Variants in PTCHD4 observed in about 807,000 individuals in gnomAD.
PTCHD4 encodes the protein patched domain-containing protein 4.
Under a neutral mutation model 58.1 loss-of-function variants are expected in PTCHD4, and 33 were observed. The observed-to-expected ratio is 0.57, with a 90% CI of 0.43 to 0.76. The LOEUF is 0.76. Among genes scored for constraint, PTCHD4 ranks in the 30% least tolerant of loss-of-function variants. PTCHD4 has a pLI of 0.00. For missense variants in PTCHD4, 1,058 were observed against 1,027.1 expected (o/e 1.03, Z -0.41); for synonymous variants, 478 against 409.6 (o/e 1.17, Z -2.02).
At chr6:48,086,812 T>C (rs1765274128) in intron 1 of PTCHD4, among the ~76,000 whole-genome samples, 1 of 152,332 alleles carries the variant, frequency 6.6e-6, no homozygotes, top group South Asian at 2.1e-4. Context: ...CAATTCCACC[T>C]TGAGGCTCTA....
intron 4 of PTCHD4, chr6:47,902,051 TCAA>T (rs957110983): frequency 5.6e-6 from 3 of 537,808 alleles, no homozygotes; most frequent in African/African-American, 4.0e-5. Context: ...ATCACCATCA[TCAA>T]CAACAACAGC....
chr6:47,973,344 CAAGGAA>C (rs1029450531), intron 4 of PTCHD4, among the ~76,000 whole-genome samples: 1 of 152,148 alleles, frequency 6.6e-6, no homozygotes, highest in Non-Finnish European at 1.5e-5. Flanking sequence ...ACCCAAACAA[CAAGGAA>C]AAGAAGCTTT....
At chr6:47,940,107 G>A (rs569975720) in intron 4 of PTCHD4, among the ~76,000 whole-genome samples, 1 of 151,952 alleles carries the variant, frequency 6.6e-6, no homozygotes, top group Non-Finnish European at 1.5e-5. Context: ...TTTCTGCAAA[G>A]GTCCCTTATC....
At chr6:47,947,124 C>G (rs574261716) in intron 4 of PTCHD4, among the ~76,000 whole-genome samples, 31 of 152,060 alleles carry the variant, frequency 2.0e-4, no homozygotes, top group Middle Eastern at 3.2e-3. Context: ...TGTGAGCTAC[C>G]ATGCTTGGCC....
chr6:48,057,770 G>A (rs1398293613), intron 3 of PTCHD4, among the ~76,000 whole-genome samples: 1 of 152,210 alleles, frequency 6.6e-6, no homozygotes, highest in Non-Finnish European at 1.5e-5. Flanking sequence ...GGAACTTGAA[G>A]GCTGAGCTAA....
Position 47,879,504 on chromosome 6 carries a change from T to A in PTCHD4, c.1331A>T (p.Gln444Leu), listed in dbSNP as rs1221670276. 6.2e-7 allele frequency: 1 copy of A among 1,613,648 alleles called. No homozygotes were observed. The highest frequency in any genetic ancestry group is 8.5e-7 in the Non-Finnish European group (1 of 1,179,794). Reference protein sequence around the residue: ...ETNPYQHHFIQHFLREHYNEW... With the variant: ...ETNPYQHHFILHFLREHYNEW... ...ATTATAATGTTCACGGAGGAAGTGC[T>A]GAATGAAGTGGTGCTGGTAGGGGTT... is the stretch of plus-strand genomic sequence containing the variant. The change falls in exon 5 of 5, where the codon CAG becomes CTG. Residue 444 changes from glutamine (Q) to leucine (L), a missense_variant. Transcript: ENST00000339488.
At chr6:48,051,592 C>T (rs769920067) in intron 3 of PTCHD4, among the ~76,000 whole-genome samples, 2 of 151,850 alleles carry the variant, frequency 1.3e-5, no homozygotes, top group African/African-American at 4.8e-5. Flanking sequence ...CTTAATATTT[C>T]TTGGTCCATA....
chr6:48,004,348 G>C (rs966008336), intron 4 of PTCHD4, among the ~76,000 whole-genome samples: 4 of 152,028 alleles, frequency 2.6e-5, no homozygotes, highest in African/African-American at 7.2e-5. Flanking sequence ...ACTCAGAATG[G>C]ACAAAAAAAT....
chr6:47,945,944 T>C (rs1025916290), intron 4 of PTCHD4, among the ~76,000 whole-genome samples: 11 of 151,834 alleles, frequency 7.2e-5, no homozygotes, highest in Admixed American at 6.6e-5. Context: ...TATTCAATAA[T>C]ATATACTTTA....
At chr6:47,890,410 C>T (rs1184526472) in intron 4 of PTCHD4, among the ~76,000 whole-genome samples, 2 of 152,086 alleles carry the variant, frequency 1.3e-5, no homozygotes, top group Non-Finnish European at 1.5e-5. Context: ...GTGTTTAAAT[C>T]CCATATCTCC....
Sources: gnomAD v4.1 joint callset for allele counts (sites outside exome capture counted in the v4.1 genomes callset) on GRCh38, gnomAD v4.1.1 for gene constraint, MANE v1.5 for transcripts, NCBI Gene and HGNC (gene_info 2026-07-23, HGNC 2026-07-21) for gene names.